VAT1L: variants seen among roughly 807,000 people sequenced by gnomAD.
The protein encoded by VAT1L is vesicle amine transport 1 like, also known as putative NADPH-dependent quinone oxidoreductase VAT1L.
A neutral mutation model predicts 44.1 loss-of-function variants in VAT1L; 34 were observed. The ratio of observed to expected loss-of-function variants is 0.77; its 90% CI spans 0.59 to 1.03. The LOEUF (loss-of-function observed/expected upper bound fraction) is 1.03, where lower values mean the gene tolerates loss of function less well. Among genes scored for constraint, VAT1L ranks in the 50% least tolerant of loss-of-function variants. The pLI is 0.00. For missense variants in VAT1L, 615 were observed against 538.8 expected (o/e 1.14, Z -1.40); for synonymous variants, 253 against 202.2 (o/e 1.25, Z -2.13).
chr16:77,938,513 C>T (rs2017832302), intron 7 of VAT1L, among the ~76,000 whole-genome samples: 1 of 152,100 alleles, frequency 6.6e-6, no homozygotes, highest in Admixed American at 6.6e-5. Context: ...GCACCATTCC[C>T]TCTTGGTACT....
chr16:77,827,212 G>A (rs113678096), intron 3 of VAT1L, among the ~76,000 whole-genome samples: 16 of 152,276 alleles, frequency 1.1e-4, no homozygotes, highest in African/African-American at 3.6e-4. Flanking sequence ...CAGCAAGCAA[G>A]CCATTTAGAA....
intron 3 of VAT1L, among the ~76,000 whole-genome samples, chr16:77,858,935 A>G (rs568417362): frequency 6.6e-6 from 1 of 152,200 alleles, no homozygotes; most frequent in East Asian, 1.9e-4. Context: ...CAGGAGTTCG[A>G]GACCAGCCTG....
At position 77,958,031 on chromosome 16, in the gene VAT1L, C is replaced by T. The variant is rs990107609; in HGVS notation, c.1078-13819C>T. ...CAAGTGATTCTCCTTCTTCTGCCTT[C>T]CAAGTAGCTGGGACTACAGGCATGT... On this transcript the variant is annotated intron_variant, in intron 7 of 8. Coordinates refer to ENST00000302536, the MANE Select transcript of VAT1L (RefSeq NM_020927.3). 1.4e-4 allele frequency among the ~76,000 whole-genome samples: 22 copies of T among 152,190 alleles called. No individual in the cohort carries two copies. In the East Asian group the frequency reaches 3.9e-3, roughly 27 times the overall value.
intron 7 of VAT1L, among the ~76,000 whole-genome samples, chr16:77,954,956 T>C (rs1216025268): frequency 6.6e-6 from 1 of 152,224 alleles, no homozygotes; most frequent in African/African-American, 2.4e-5. Flanking sequence ...GTGATTTTAA[T>C]GCAGGCAGTC....
chr16:77,864,967 CTTTTTTTTTTTTTTT>C (rs869037679), intron 4 of VAT1L, among the ~76,000 whole-genome samples: 2 of 95,380 alleles, frequency 2.1e-5, no homozygotes, highest in Admixed American at 1.3e-4. Flanking sequence ...TCTTCTTATC[CTTTTTTTTTTTTTTT>C]TTTTTTTTTG....
chr16:77,821,518 C>T (rs1292931381), intron 2 of VAT1L, among the ~76,000 whole-genome samples: 2 of 152,030 alleles, frequency 1.3e-5, no homozygotes, highest in African/African-American at 4.8e-5. Flanking sequence ...ATCTCAAACC[C>T]CTGACCTCAA....
At chr16:77,969,987 G>T (rs1383866369) in intron 7 of VAT1L, among the ~76,000 whole-genome samples, 1 of 149,356 alleles carries the variant, frequency 6.7e-6, no homozygotes, top group Admixed American at 6.7e-5. Flanking sequence ...GCCAACGGGG[G>T]AGGATCACTT....
chr16:77,796,750 C>T (rs2015941275), intron 1 of VAT1L, among the ~76,000 whole-genome samples: 1 of 152,166 alleles, frequency 6.6e-6, no homozygotes, highest in African/African-American at 2.4e-5. Flanking sequence ...GCCTAGCGTT[C>T]TCACACTAAA....
In VAT1L at chr16:77,808,934, T is replaced by C. The variant is rs183096143; in HGVS notation, c.234-7987T>C. ...TATGATTCTGTTTCCCCATGAGAAT[T>C]TGGAGCCCCTTGTTAACTTTGGGCA... On this transcript the variant is annotated intron_variant, in intron 1 of 8. Coordinates refer to ENST00000302536, the MANE Select transcript of VAT1L (RefSeq NM_020927.3). 9.8e-5 allele frequency among the ~76,000 whole-genome samples: 15 copies of C among 152,312 alleles called. No individual in the cohort carries two copies. The East Asian group carries it at 2.7e-3, about 27-fold the overall frequency.
chr16:77,958,668 T>G (rs1193801847), intron 7 of VAT1L, among the ~76,000 whole-genome samples: 3 of 152,228 alleles, frequency 2.0e-5, no homozygotes, highest in Non-Finnish European at 2.9e-5. Context: ...TGTAGAACAT[T>G]CTGGCTCTTG....
intron 7 of VAT1L, among the ~76,000 whole-genome samples, chr16:77,904,024 C>G (rs754628378): frequency 2.2e-4 from 34 of 152,056 alleles, no homozygotes; most frequent in Non-Finnish European, 3.5e-4. Flanking sequence ...GTATGAGCCA[C>G]TGTGCCTGGC....
At chr16:77,902,624 G>A (rs1275532559) in intron 7 of VAT1L, among the ~76,000 whole-genome samples, 2 of 149,496 alleles carry the variant, frequency 1.3e-5, no homozygotes, top group East Asian at 2.0e-4. Context: ...ACCAGAAGAA[G>A]TGCTAAAAAG....
At chr16:77,947,596 A>G (rs1377257339) in intron 7 of VAT1L, among the ~76,000 whole-genome samples, 1 of 152,034 alleles carries the variant, frequency 6.6e-6, no homozygotes, top group African/African-American at 2.4e-5. Context: ...TCCTGCTCAC[A>G]TAAGAGGGGC....
intron 2 of VAT1L, among the ~76,000 whole-genome samples, chr16:77,820,167 C>T (rs1420472349): frequency 6.6e-6 from 1 of 152,176 alleles, no homozygotes; most frequent in African/African-American, 2.4e-5. Flanking sequence ...GAGGCCATTT[C>T]TTTCATGGTT....
chr16:77,871,413 G>A (rs371138575), intron 4 of VAT1L, among the ~76,000 whole-genome samples: 4 of 152,134 alleles, frequency 2.6e-5, no homozygotes, highest in Non-Finnish European at 4.4e-5. Flanking sequence ...TCCTTCTAGT[G>A]TTAAGCCCAA....
intron 7 of VAT1L, among the ~76,000 whole-genome samples, chr16:77,946,276 G>GTTTTTTTTTTTTTTTT (rs1597114758): frequency 3.0e-5 from 1 of 33,858 alleles, no homozygotes; most frequent in Admixed American, 3.9e-4. Flanking sequence ...TAGGTTACTT[G>GTTTTTTTTTTTTTTTT]TTCTTTTTTT....
chr16:77,810,215 A>T (rs568779967), intron 1 of VAT1L, among the ~76,000 whole-genome samples: 1 of 152,156 alleles, frequency 6.6e-6, no homozygotes, highest in Non-Finnish European at 1.5e-5. Flanking sequence ...ATTAGCTTTA[A>T]AAAATAAAAC....
intron 7 of VAT1L, among the ~76,000 whole-genome samples, chr16:77,910,694 G>GA (rs1448364785): frequency 1.1e-4 from 14 of 124,364 alleles, no homozygotes; most frequent in East Asian, 2.4e-4. Context: ...AAAAAAAAAA[G>GA]AAAGAAAAGA....
chr16:77,811,329 A>C (rs1180984790), intron 1 of VAT1L, among the ~76,000 whole-genome samples: 1 of 152,144 alleles, frequency 6.6e-6, no homozygotes, highest in African/African-American at 2.4e-5. Context: ...AAATTAATAA[A>C]CTATAGCTGG....
Sources: gnomAD v4.1 joint callset for allele counts (sites outside exome capture counted in the v4.1 genomes callset) on GRCh38, gnomAD v4.1.1 for gene constraint, MANE v1.5 for transcripts, NCBI Gene and HGNC (gene_info 2026-07-23, HGNC 2026-07-21) for gene names.